CCNA2: variants seen among roughly 807,000 people sequenced by gnomAD.
CCNA2 encodes cyclin A2.
Under a neutral mutation model 49.4 loss-of-function variants are expected in CCNA2, and 3 were observed. The observed-to-expected ratio is 0.06, with a 90% confidence interval of 0.03 to 0.16. CCNA2 has a LOEUF of 0.16. CCNA2 is among the 10% of genes least tolerant of loss of function. The pLI, the probability that CCNA2 is intolerant of heterozygous loss-of-function variation, is 1.00. For missense variants in CCNA2, 372 were observed against 519.7 expected (o/e 0.72, Z 2.76); for synonymous variants, 206 against 197.2 (o/e 1.04, Z -0.37).
chr4:121,823,495 C>T lies in CCNA2; in HGVS notation c.134G>A (p.Arg45Gln), dbSNP rs76388456. The T allele has an allele frequency of 1.9e-6, 3 of 1,613,418 alleles. No individual in the cohort carries two copies. Among genetic ancestry groups the T allele is most frequent in the Non-Finnish European group, 2.5e-6 (3 of 1,179,824 alleles). Residue 45 changes from arginine (R) to glutamine (Q), a missense_variant, in exon 1 of 8, where the codon CGG becomes CAG. Transcript: ENST00000274026. ...CAGTACCGCCAGCGCGGCCCGGGTCCGCGGTTGTTGGACGGGCGCTGCCTT... is the reference window on the plus strand; with the variant it reads ...CAGTACCGCCAGCGCGGCCCGGGTCTGCGGTTGTTGGACGGGCGCTGCCTT... ...PEKAAPVQQPRTRAALAVLKS... is the reference protein window; with the variant it reads ...PEKAAPVQQPQTRAALAVLKS...
At chr4:121,818,355 A>T (rs950816584) in intron 6 of CCNA2, among the ~76,000 whole-genome samples, 178 bp from the exon 7 acceptor site, 5 of 152,194 alleles carry the variant, frequency 3.3e-5, no homozygotes, top group Non-Finnish European at 7.4e-5. Flanking sequence ...TTTCCCTGCC[A>T]GCAACAGGTC....
At chr4:121,819,013 T>C (rs1724622100) in intron 5 of CCNA2, 100 bp from the exon 6 acceptor site, 2 of 704,336 alleles carry the variant, frequency 2.8e-6, no homozygotes, top group Admixed American at 2.3e-5. Context: ...ATAACGGCTC[T>C]GTAGCAACTC....
chr4:121,818,274 C>T, intron 6 of CCNA2, 97 bp from the exon 7 acceptor site: 3 of 1,101,812 alleles, frequency 2.7e-6, no homozygotes, highest in Non-Finnish European at 2.6e-6. Flanking sequence ...AATTCCAGTA[C>T]TAATCTTTAA....
chr4:121,820,935 A>T lies in CCNA2; in HGVS notation c.570+44T>A, dbSNP rs764900320. On this transcript the variant is annotated intron_variant, in intron 3 of 7. Coordinates refer to ENST00000274026, the MANE Select transcript of CCNA2 (RefSeq NM_001237.5). This position sits in a 1 kb window ranked among gnomAD's most constrained non-coding sequence, Gnocchi z 4.1. ...TATCCTCTCAATTTCATTTAGCCAC[A>T]TTTAACAAATACATTATACAAACTG... 32 of 1,516,868 alleles carry T rather than the reference A, an allele frequency of 2.1e-5. No individual in the cohort carries two copies. The highest frequency in any genetic ancestry group is 2.5e-5 in the Non-Finnish European group (28 of 1,100,882). 94.0% of individuals were successfully genotyped at this position (1,516,868 alleles called of 1,614,324 possible). A position where few individuals can be genotyped will look rare whatever the true frequency, so the allele number is the denominator to read the frequency against.
rs1158693577 is a variant in CCNA2 at position 121,821,029 on chromosome 4, C to T, written c.520G>A (p.Glu174Lys). The change falls in exon 3 of 8, where the codon GAA (glutamate) becomes AAA (lysine). Residue 174 changes from glutamate to lysine, a missense_variant. Around this residue, in one of 2 missense-constraint regions of CCNA2, gnomAD observed 217 missense variants for 231.7 expected, o/e 0.94. Coordinates refer to ENST00000274026, the MANE Select transcript of CCNA2 (RefSeq NM_001237.5). ...LEDEKPVSVN[E>K]VPDYHEDIHT... ...ATATCCTCATGGTAGTCTGGTACTTCATTAACACTCACTGGCTTTTCATCT... is the reference window on the plus strand; with the variant it reads ...ATATCCTCATGGTAGTCTGGTACTTTATTAACACTCACTGGCTTTTCATCT... 2.5e-6 allele frequency: 4 copies of T among 1,613,220 alleles called. No homozygotes were observed. The highest frequency in any genetic ancestry group is 2.2e-5 in the East Asian group (1 of 44,790).
At position 121,822,481 on chromosome 4, in the gene CCNA2, C is replaced by T. The variant is rs1009719834; in HGVS notation, c.379G>A (p.Ala127Thr). 1 of 1,613,972 alleles carries T rather than the reference C, an allele frequency of 6.2e-7. No individual in the cohort carries two copies. The highest frequency in any genetic ancestry group is 8.5e-7 in the Non-Finnish European group (1 of 1,180,012). Residue 127 changes from alanine to threonine, a missense_variant, in exon 2 of 8, where the codon GCT (alanine) becomes ACT (threonine). By Grantham distance (58) the Ala-to-Thr change is moderately conservative. Around this residue, in one of 2 missense-constraint regions of CCNA2, gnomAD observed 217 missense variants for 231.7 expected, o/e 0.94. Transcript: ENST00000274026. Reference sequence around the variant, plus strand: ...GGTAAACTAATGGCTGAATTAAAAGCCAGGGCATCTTCACGCTCTATTTTT... The same window carrying T: ...GGTAAACTAATGGCTGAATTAAAAGTCAGGGCATCTTCACGCTCTATTTTT... Reference protein sequence around the residue: ...SQKIEREDALAFNSAISLPGP... With the variant: ...SQKIEREDALTFNSAISLPGP...
In CCNA2 at chr4:121,820,972, C is replaced by T; in HGVS notation, c.570+7G>A. ...CATTATACAAACTGGATTCAGAGAA[C>T]CTTTACCTCCATTTCCCTAAGGTAT... On this transcript the variant is annotated splice_region_variant and intron_variant, in intron 3 of 7. Transcript: ENST00000274026. The surrounding 1 kb of genome is among the most constrained non-coding windows in gnomAD (Gnocchi z 4.1). 1.9e-6 allele frequency: 3 copies of T among 1,603,900 alleles called. No homozygotes were observed. Among genetic ancestry groups the T allele is most frequent in the Middle Eastern group, 3.3e-4 (2 of 6,036 alleles).
chr4:121,816,527 C>A lies in CCNA2; in HGVS notation c.*1111G>T. 1 of 961,654 alleles carries A rather than the reference C, an allele frequency of 1.0e-6. No homozygotes were observed. Among genetic ancestry groups the A allele is most frequent in the Non-Finnish European group, 1.6e-6 (1 of 641,944 alleles). 59.6% of individuals were successfully genotyped at this position (961,654 alleles called of 1,614,324 possible). A position where few individuals can be genotyped will look rare whatever the true frequency, so the allele number is the denominator to read the frequency against. On this transcript the variant is annotated 3_prime_UTR_variant, in exon 8 of 8. Coordinates refer to ENST00000274026, the MANE Select transcript of CCNA2 (RefSeq NM_001237.5). Reference sequence around the variant, plus strand: ...GTTTGCTCTCTGGTTTTACTCTCATCTTGCCACATGACTATAAACAAAAAG... The same window carrying A: ...GTTTGCTCTCTGGTTTTACTCTCATATTGCCACATGACTATAAACAAAAAG...
In CCNA2 at chr4:121,820,747, C is replaced by T. The variant is rs891946949; in HGVS notation, c.589G>A (p.Val197Met). ...TCTGGCTGTTTCTTCATGTAACCCA[C>T]TTTAGGTTTACATTTAACCTATTGA... ...REMEVKCKPK[V>M]GYMKKQPDIT... Residue 197 changes from valine (V) to methionine (M), a missense_variant, in exon 4 of 8, where the codon GTG becomes ATG. Around this residue, in one of 2 missense-constraint regions of CCNA2, gnomAD observed 155 missense variants for 288.1 expected, o/e 0.54. Coordinates refer to ENST00000274026, the MANE Select transcript of CCNA2 (RefSeq NM_001237.5). The surrounding 1 kb of genome is among the most constrained non-coding windows in gnomAD (Gnocchi z 4.1). The T allele has an allele frequency of 9.3e-6, 15 of 1,610,310 alleles. No individual in the cohort carries two copies. Among genetic ancestry groups the T allele is most frequent in the Non-Finnish European group, 1.3e-5 (15 of 1,176,992 alleles).
In CCNA2 at chr4:121,820,066, T is replaced by C. The variant is rs1724653763; in HGVS notation, c.794+476A>G. 6.6e-6 allele frequency among the ~76,000 whole-genome samples: 1 copy of C among 151,122 alleles called. No homozygotes were observed. The highest frequency in any genetic ancestry group is 2.4e-5 in the African/African-American group (1 of 41,236). ...AGCGATTCTCTTGCCTCAGCCTCCC[T>C]AGTAGCTGAGATTACAGGCATGCAT... On this transcript the variant is annotated intron_variant, in intron 4 of 7. Coordinates refer to ENST00000274026, the MANE Select transcript of CCNA2 (RefSeq NM_001237.5). This position sits in a 1 kb window ranked among gnomAD's most constrained non-coding sequence, Gnocchi z 4.1.
At position 121,822,638 on chromosome 4, in the gene CCNA2, G is replaced by T. The variant is rs3217760; in HGVS notation, c.222C>A (p.Pro74=). The change falls in exon 2 of 8, where the codon CCC becomes CCA. Residue 74 remains proline, a synonymous_variant. Coordinates refer to ENST00000274026, the MANE Select transcript of CCNA2 (RefSeq NM_001237.5). Reference sequence around the variant, plus strand: ...CATCATTTACAGGAAGATCCTTAAGGGGTGCAACCTAAAAAAAAATTAATA... The same window carrying T: ...CATCATTTACAGGAAGATCCTTAAGTGGTGCAACCTAAAAAAAAATTAATA... ...QQRPKTRRVA[P]LKDLPVNDEH... is the part of the protein sequence containing the mutation. 2.2e-3 allele frequency: 3,563 copies of T among 1,612,218 alleles called. 91 individuals carry two copies. In the African/African-American group the frequency reaches 0.042, roughly 19 times the overall value.
At position 121,817,441 on chromosome 4, in the gene CCNA2, G is replaced by A. The variant is rs1229829763; in HGVS notation, c.*197C>T. 2 of 518,650 alleles carry A rather than the reference G, an allele frequency of 3.9e-6. No individual in the cohort carries two copies. The highest frequency in any genetic ancestry group is 8.0e-5 in the South Asian group (2 of 24,972). 32.1% of individuals were successfully genotyped at this position (518,650 alleles called of 1,614,324 possible). A position where few individuals can be genotyped will look rare whatever the true frequency, so the allele number is the denominator to read the frequency against. On this transcript the variant is annotated 3_prime_UTR_variant, in exon 8 of 8. Coordinates refer to ENST00000274026, the MANE Select transcript of CCNA2 (RefSeq NM_001237.5). The stretch of plus-strand genomic sequence containing the variant: ...ACTTTAACAAAACCACTTAAAATTA[G>A]CCAAATATCTAAGACAGATACATAT...
chr4:121,818,087 G>C lies in CCNA2; in HGVS notation c.1207C>G (p.Gln403Glu). 1 of 1,613,938 alleles carries C rather than the reference G, an allele frequency of 6.2e-7. No homozygotes were observed. The highest frequency in any genetic ancestry group is 1.1e-5 in the South Asian group (1 of 91,078). Residue 403 changes from glutamine to glutamate, a missense_variant, in exon 7 of 8, where the codon CAG becomes GAG. Transcript: ENST00000274026. ...DLHQTYLKAP[Q>E]HAQQSIREKY... ...TCTCTTATTGACTGTTGTGCATGCT[G>C]TGGTGCTTTGAGGTAGGTCTGGTGA... is the stretch of plus-strand genomic sequence containing the variant.
chr4:121,817,590 A>G lies in CCNA2; in HGVS notation c.*48T>C. On this transcript the variant is annotated 3_prime_UTR_variant, in exon 8 of 8. Transcript: ENST00000274026. The stretch of plus-strand genomic sequence containing the variant: ...ACCTAAGTTAAAAACTGTACACCAT[A>G]TACTTTGAGTGATTTACATCTTAGA... The G allele has an allele frequency of 6.2e-7, 1 of 1,611,282 alleles. No homozygotes were observed. Among genetic ancestry groups the G allele is most frequent in the Non-Finnish European group, 8.5e-7 (1 of 1,177,992 alleles).
Position 121,822,661 on chromosome 4 carries a change from A to G in CCNA2, c.214-15T>C, listed in dbSNP as rs771579900. 1.2e-6 allele frequency: 2 copies of G among 1,609,634 alleles called. No individual in the cohort carries two copies. The highest frequency in any genetic ancestry group is 1.1e-5 in the South Asian group (1 of 90,746). On this transcript the variant is annotated splice_polypyrimidine_tract_variant and intron_variant, in intron 1 of 7. Transcript: ENST00000274026. ...AGGGGTGCAACCTAAAAAAAAATTA[A>G]TAACTGGCTTTGAGCCTACTAGTCT...
At position 121,823,532 on chromosome 4, in the gene CCNA2, T is replaced by C. The variant is rs1269231658; in HGVS notation, c.97A>G (p.Ile33Val). Residue 33 changes from isoleucine (I) to valine (V), a missense_variant, in exon 1 of 8, where the codon ATC becomes GTC. Coordinates refer to ENST00000274026, the MANE Select transcript of CCNA2 (RefSeq NM_001237.5). Reference protein sequence around the residue: ...QTALQEDQENINPEKAAPVQQ... With the variant: ...QTALQEDQENVNPEKAAPVQQ... ...ACGGGCGCTGCCTTTTCCGGGTTGA[T>C]ATTCTCCTGGTCCTCTTGGAGCGCC... is the stretch of plus-strand genomic sequence containing the variant. The C allele has an allele frequency of 6.2e-7, 1 of 1,612,976 alleles. No individual in the cohort carries two copies. Among genetic ancestry groups the C allele is most frequent in the Non-Finnish European group, 8.5e-7 (1 of 1,179,680 alleles).
Position 121,823,665 on chromosome 4 carries a change from G to GGCGCCAAGCA in CCNA2, c.-47_-38dup. The stretch of plus-strand genomic sequence containing the variant: ...GGAGTGGACGGCGGGATCAGCCTGC[G>GGCGCCAAGCA]GCGCCAAGCAGCGTGCACTCTGCCC... On this transcript the variant is annotated 5_prime_UTR_variant, in exon 1 of 8. Coordinates refer to ENST00000274026, the MANE Select transcript of CCNA2 (RefSeq NM_001237.5). The GGCGCCAAGCA allele has an allele frequency of 6.5e-7, 1 of 1,533,214 alleles. No homozygotes were observed. Among genetic ancestry groups the GGCGCCAAGCA allele is most frequent in the Non-Finnish European group, 8.7e-7 (1 of 1,143,618 alleles). The allele number at this position is 1,533,214 out of a possible 1,614,324, so 95.0% of individuals were successfully genotyped here.
chr4:121,820,529 A>C lies in CCNA2; in HGVS notation c.794+13T>G, dbSNP rs888369605. The C allele has an allele frequency of 6.3e-7, 1 of 1,596,596 alleles. No individual in the cohort carries two copies. The highest frequency in any genetic ancestry group is 1.3e-5 in the African/African-American group (1 of 74,468). On this transcript the variant is annotated intron_variant, in intron 4 of 7. Transcript: ENST00000274026. This position sits in a 1 kb window ranked among gnomAD's most constrained non-coding sequence, Gnocchi z 4.1. ...GGTCGTGATCACTTTTAAACAAACCAAGGTAGACTTACGAGGCTAACAGCA... is the reference window on the plus strand; with the variant it reads ...GGTCGTGATCACTTTTAAACAAACCCAGGTAGACTTACGAGGCTAACAGCA...
At chr4:121,823,379 C>G in intron 1 of CCNA2, 37 bp downstream of exon 1, 1 of 1,574,918 alleles carries the variant, frequency 6.3e-7, no homozygotes, top group South Asian at 1.2e-5. Context: ...AAACCCTGCT[C>G]GACCCACCCT....
Sources: gnomAD v4.1 joint callset for allele counts (sites outside exome capture counted in the v4.1 genomes callset) on GRCh38, gnomAD v4.1.1 for gene constraint, gnomAD v4.1.1 regional missense constraint, Gnocchi (gnomAD v3.1) non-coding constraint, MANE v1.5 for transcripts, NCBI Gene and HGNC (gene_info 2026-07-23, HGNC 2026-07-21) for gene names.